The following FSTL5 variants were observed in gnomAD, a reference collection of about 807,000 sequenced individuals.
The protein encoded by FSTL5 is follistatin-related protein 5.
FSTL5 carries 62 observed loss-of-function variants against 89.1 expected under a neutral mutation model. The ratio of observed to expected loss-of-function variants is 0.70; its 90% confidence interval spans 0.57 to 0.86. FSTL5 has a LOEUF of 0.86. Among genes scored for constraint, FSTL5 ranks in the 40% least tolerant of loss-of-function variants. The pLI, the probability that FSTL5 is intolerant of heterozygous loss-of-function variation, is 0.00. For missense variants in FSTL5, 1,057 were observed against 1,001.6 expected, an observed-to-expected ratio of 1.06 and a Z score of -0.75; for synonymous variants, 383 against 346.2, an observed-to-expected ratio of 1.11 and a Z score of -1.18.
At chr4:162,110,997 C>A (rs1366513980) in intron 2 of FSTL5, among the ~76,000 whole-genome samples, 1 of 151,818 alleles carries the variant, frequency 6.6e-6, no homozygotes, top group Non-Finnish European at 1.5e-5. Flanking sequence ...ATATTTACTT[C>A]TTTATAAATT....
chr4:161,410,511 A>T (rs1427000537), intron 15 of FSTL5, among the ~76,000 whole-genome samples: 1 of 152,208 alleles, frequency 6.6e-6, no homozygotes, highest in Non-Finnish European at 1.5e-5. Context: ...AACAATATAA[A>T]TTGTAACAAG....
chr4:161,571,416 G>A lies in FSTL5; in HGVS notation c.1015+16039C>T, dbSNP rs190558674. On this transcript the variant is annotated intron_variant, in intron 8 of 15. Transcript: ENST00000306100. ...GAAAGGAGAGAGAAATAAAAAGGAA[G>A]GAAGACAAATTTCTAGCAGACGGCC... is the stretch of plus-strand genomic sequence containing the variant. 1.7e-3 allele frequency among the ~76,000 whole-genome samples: 259 copies of A among 151,750 alleles called. 2 individuals carry two copies. Among genetic ancestry groups the A allele is most frequent in the African/African-American group, 6.0e-3 (247 of 41,384 alleles).
intron 15 of FSTL5, among the ~76,000 whole-genome samples, chr4:161,410,042 C>A (rs1225727523): frequency 6.6e-6 from 1 of 152,150 alleles, no homozygotes. Context: ...GGAATAAGAT[C>A]TACCATGCAA....
At chr4:162,102,640 T>TATGTATATTTATATATACATATATAAAA (rs1731042193) in intron 2 of FSTL5, among the ~76,000 whole-genome samples, 5 of 146,136 alleles carry the variant, frequency 3.4e-5, no homozygotes, top group African/African-American at 4.9e-5. Flanking sequence ...CATATATAAA[T>TATGTATATTTATATATACATATATAAAA]ATGTATATTT....
chr4:162,145,193 C>T (rs1732925233), intron 1 of FSTL5, among the ~76,000 whole-genome samples: 1 of 151,584 alleles, frequency 6.6e-6, no homozygotes, highest in Admixed American at 6.6e-5. Flanking sequence ...TAGCCATAAA[C>T]ATATAAAATA....
intron 4 of FSTL5, among the ~76,000 whole-genome samples, chr4:161,851,286 C>A (rs574777005): frequency 6.6e-6 from 1 of 152,130 alleles, no homozygotes; most frequent in Non-Finnish European, 1.5e-5. Flanking sequence ...AAGATAGAAG[C>A]TACTGTCTCA....
intron 13 of FSTL5, among the ~76,000 whole-genome samples, chr4:161,480,531 C>T (rs1729466050): frequency 6.6e-6 from 1 of 152,204 alleles, no homozygotes; most frequent in Non-Finnish European, 1.5e-5. Context: ...AGATTGCTTT[C>T]TCTATCTCTA....
intron 6 of FSTL5, among the ~76,000 whole-genome samples, chr4:161,744,479 G>C (rs534439734): frequency 2.8e-4 from 42 of 152,182 alleles, no homozygotes; most frequent in Admixed American, 5.2e-4. Flanking sequence ...CATTTACGAA[G>C]GTGTGGTAAA....
chr4:161,579,594 G>A (rs1001703298), intron 8 of FSTL5, among the ~76,000 whole-genome samples: 1 of 152,064 alleles, frequency 6.6e-6, no homozygotes, highest in Non-Finnish European at 1.5e-5. Context: ...GCAGGCACCT[G>A]TGATTGCAGC....
chr4:161,652,886 T>C (rs1736390929), intron 7 of FSTL5, among the ~76,000 whole-genome samples: 1 of 152,126 alleles, frequency 6.6e-6, no homozygotes, highest in Non-Finnish European at 1.5e-5. Flanking sequence ...TAATTTAATT[T>C]TATATAATTT....
chr4:161,812,491 TC>T (rs1323911864), intron 4 of FSTL5, among the ~76,000 whole-genome samples: 2 of 143,356 alleles, frequency 1.4e-5, no homozygotes, highest in African/African-American at 5.2e-5. Flanking sequence ...TCTCTGTGTC[TC>T]AATAGCCCAT....
chr4:161,885,071 G>C (rs899759879), intron 4 of FSTL5, among the ~76,000 whole-genome samples: 15 of 151,996 alleles, frequency 9.9e-5, no homozygotes, highest in Non-Finnish European at 2.2e-4. Flanking sequence ...TAAAAAGATA[G>C]ATATTATCAA....
At chr4:162,054,328 T>G (rs2111264450) in intron 2 of FSTL5, among the ~76,000 whole-genome samples, 1 of 151,888 alleles carries the variant, frequency 6.6e-6, no homozygotes, top group Non-Finnish European at 1.5e-5. Flanking sequence ...CAGAAAACAC[T>G]TCACTTTATG....
intron 1 of FSTL5, among the ~76,000 whole-genome samples, chr4:162,154,990 C>T (rs12512596): frequency 0.23 from 35,320 of 151,876 alleles, 4,296 homozygotes; most frequent in Non-Finnish European, 0.26. Flanking sequence ...CAATAAAGAC[C>T]AAGGTTTAAG....
chr4:162,130,652 A>G (rs1321061568), intron 1 of FSTL5, among the ~76,000 whole-genome samples: 3 of 152,214 alleles, frequency 2.0e-5, no homozygotes, highest in Admixed American at 6.5e-5. Context: ...TGACAATAGC[A>G]AACATTTTCT....
chr4:161,922,842 G>A (rs951095192), intron 3 of FSTL5, among the ~76,000 whole-genome samples: 1 of 151,780 alleles, frequency 6.6e-6, no homozygotes. Flanking sequence ...ATTTAGCAAG[G>A]TTGATATGGT....
Position 161,384,674 on chromosome 4 carries a change from A to C in FSTL5, c.*1073T>G, listed in dbSNP as rs1730552040. The C allele has an allele frequency of 6.6e-6, 1 of 152,120 alleles. No individual in the cohort carries two copies. The highest frequency in any genetic ancestry group is 2.1e-4 in the South Asian group (1 of 4,834). 9.4% of individuals were successfully genotyped at this position (152,120 alleles called of 1,614,324 possible). A position where few individuals can be genotyped will look rare whatever the true frequency, so the allele number is the denominator to read the frequency against. On this transcript the variant is annotated 3_prime_UTR_variant, in exon 16 of 16. Coordinates refer to ENST00000306100, the MANE Select transcript of FSTL5 (RefSeq NM_020116.5). ...AAAAACAATGGAGTACTACATTTTT[A>C]CTTACCACTGTCGGGCTACCCCTTT...
chr4:162,034,058 T>C (rs1193173423), intron 2 of FSTL5, among the ~76,000 whole-genome samples: 1 of 152,204 alleles, frequency 6.6e-6, no homozygotes, highest in Admixed American at 6.6e-5. Context: ...TGCCTCAGCC[T>C]CTCAAAATGC....
intron 1 of FSTL5, among the ~76,000 whole-genome samples, chr4:162,133,934 G>A (rs571494778): frequency 6.6e-6 from 1 of 152,024 alleles, no homozygotes; most frequent in Admixed American, 6.6e-5. Flanking sequence ...TGCCTCTCTC[G>A]ACAGCTAGAG....
Sources: allele counts gnomAD v4.1 joint callset (sites outside exome capture counted in the v4.1 genomes callset), GRCh38; gene constraint gnomAD v4.1.1; transcripts MANE v1.5; gene names NCBI Gene and HGNC (gene_info 2026-07-23, HGNC 2026-07-21).